Variants in JMJD1C observed in about 807,000 individuals in gnomAD.
JMJD1C encodes jumonji domain-containing protein 1C.
A neutral mutation model predicts 245.3 loss-of-function variants in JMJD1C; 31 were observed. The ratio of observed to expected loss-of-function variants is 0.13; its 90% confidence interval spans 0.09 to 0.17. The LOEUF (loss-of-function observed/expected upper bound fraction) is 0.17, where lower values mean the gene tolerates loss of function less well. JMJD1C is among the 10% of genes least tolerant of loss of function. The pLI is 1.00. For synonymous variants in JMJD1C, 1,057 were observed against 1,017.4 expected, an observed-to-expected ratio of 1.04 and a Z score of -0.74; for missense variants, 2,691 against 3,000.2, an observed-to-expected ratio of 0.90 and a Z score of 2.41.
intron 1 of JMJD1C, among the ~76,000 whole-genome samples, chr10:63,413,565 GGAAA>G (rs1238676439): frequency 1.3e-5 from 2 of 152,132 alleles, no homozygotes; most frequent in East Asian, 3.8e-4. Flanking sequence ...TTCTGGTGGG[GGAAA>G]GATTCTTCAT....
chr10:63,402,144 A>G (rs10761754), intron 1 of JMJD1C, among the ~76,000 whole-genome samples: 1 of 146,316 alleles, frequency 6.8e-6, no homozygotes. Flanking sequence ...AAAAAAAAAG[A>G]AAAAAAAACA....
At chr10:63,255,881 A>C (rs958989191) in intron 3 of JMJD1C, among the ~76,000 whole-genome samples, 1 of 152,196 alleles carries the variant, frequency 6.6e-6, no homozygotes, top group Non-Finnish European at 1.5e-5. Flanking sequence ...ATAAAACTCT[A>C]ATTCTGAGAT....
rs557355496 is a variant in JMJD1C, at chr10:63,347,595, A to G, written c.333+32723T>C. 4.6e-3 allele frequency among the ~76,000 whole-genome samples: 690 copies of G among 150,286 alleles called. 3 individuals are homozygous for G. The highest frequency in any genetic ancestry group is 6.4e-3 in the Non-Finnish European group (431 of 67,630). On this transcript the variant is annotated intron_variant, in intron 2 of 25. Coordinates refer to ENST00000399262, the MANE Select transcript of JMJD1C (RefSeq NM_032776.3). Reference sequence around the variant, plus strand: ...CGAGAGTCCATCTCAAAAAAAAAAAAAAAGAAAGAAAAGAAAAAGAAAAAA... The same window carrying G: ...CGAGAGTCCATCTCAAAAAAAAAAAGAAAGAAAGAAAAGAAAAAGAAAAAA...
At chr10:63,453,678 T>G (rs1015537936) in intron 1 of JMJD1C, among the ~76,000 whole-genome samples, 2 of 152,176 alleles carry the variant, frequency 1.3e-5, no homozygotes, top group African/African-American at 4.8e-5. Context: ...GTACTATAAG[T>G]AGTTAAAAAC....
chr10:63,369,036 T>C (rs1029269110), intron 2 of JMJD1C, among the ~76,000 whole-genome samples: 4 of 152,230 alleles, frequency 2.6e-5, no homozygotes, highest in African/African-American at 9.6e-5. Context: ...GTAATAATGA[T>C]GGAAAATGAA....
intron 1 of JMJD1C, among the ~76,000 whole-genome samples, chr10:63,482,807 C>T (rs542934712): frequency 3.5e-4 from 53 of 152,172 alleles, no homozygotes; most frequent in African/African-American, 1.2e-3. Context: ...AGCTGCTGTG[C>T]GTGGGGATCA....
chr10:63,428,345 ATT>A (rs1950560189), intron 1 of JMJD1C, among the ~76,000 whole-genome samples: 1 of 152,244 alleles, frequency 6.6e-6, no homozygotes, highest in Non-Finnish European at 1.5e-5. Context: ...TTGCATTAAT[ATT>A]GACAAAAGAT....
chr10:63,508,660 G>C (rs1954791035), intron 1 of JMJD1C, among the ~76,000 whole-genome samples: 1 of 152,086 alleles, frequency 6.6e-6, no homozygotes, highest in African/African-American at 2.4e-5. Flanking sequence ...TCTTTCATCA[G>C]TTTTGTAGGT....
intron 3 of JMJD1C, among the ~76,000 whole-genome samples, chr10:63,243,992 C>A (rs1851844738): frequency 1.3e-5 from 2 of 152,176 alleles, no homozygotes; most frequent in Admixed American, 1.3e-4. Context: ...GGACAACCAG[C>A]TTCCCTACCA....
At chr10:63,373,572 AAAC>A (rs1946482729) in intron 2 of JMJD1C, among the ~76,000 whole-genome samples, 1 of 152,208 alleles carries the variant, frequency 6.6e-6, no homozygotes, top group East Asian at 1.9e-4. Flanking sequence ...ACGAGGAGTG[AAAC>A]AACTAGAAAG....
chr10:63,410,014 A>G (rs1949391991), intron 1 of JMJD1C, among the ~76,000 whole-genome samples: 1 of 152,170 alleles, frequency 6.6e-6, no homozygotes, highest in African/African-American at 2.4e-5. Flanking sequence ...TAATAAATAT[A>G]TATTTGAATA....
chr10:63,226,083 A>C (rs1849242683), intron 3 of JMJD1C, among the ~76,000 whole-genome samples: 1 of 145,282 alleles, frequency 6.9e-6, no homozygotes, highest in Non-Finnish European at 1.5e-5. Context: ...ACATTTCTTT[A>C]TATGTAAGGG....
intron 2 of JMJD1C, among the ~76,000 whole-genome samples, chr10:63,291,310 G>GAAAAAA (rs59082600): frequency 2.9e-5 from 2 of 69,132 alleles, no homozygotes; most frequent in African/African-American, 1.3e-4. Context: ...GTCTGTCTCA[G>GAAAAAA]AAAAAAAAAA....
At chr10:63,282,721 G>T (rs529967942) in intron 2 of JMJD1C, among the ~76,000 whole-genome samples, 1 of 152,086 alleles carries the variant, frequency 6.6e-6, no homozygotes, top group Non-Finnish European at 1.5e-5. Context: ...TAAAACTCTA[G>T]GTTTTCTTTT....
At chr10:63,212,213 G>C (rs1847446535) in intron 8 of JMJD1C, among the ~76,000 whole-genome samples, 1 of 152,124 alleles carries the variant, frequency 6.6e-6, no homozygotes, top group Admixed American at 6.5e-5. Flanking sequence ...AGTTTTACAA[G>C]ATGAAAAAGT....
Position 63,385,246 on chromosome 10 carries a change from A to AGTC in JMJD1C, c.169-4765_169-4764insGAC, listed in dbSNP as rs1947496117. ...GCTAACATCAAAGATCACTGATGAC[A>AGTC]CATCACCATAAGAGATGTAATAGTA... is the stretch of plus-strand genomic sequence containing the variant. On this transcript the variant is annotated intron_variant, in intron 1 of 25. Transcript: ENST00000399262. 3.3e-5 allele frequency among the ~76,000 whole-genome samples: 5 copies of AGTC among 152,086 alleles called. No homozygotes were observed. The South Asian group carries it at 1.0e-3, about 32-fold the overall frequency.
At chr10:63,419,461 A>G (rs1048757589) in intron 1 of JMJD1C, among the ~76,000 whole-genome samples, 2 of 152,178 alleles carry the variant, frequency 1.3e-5, no homozygotes, top group Admixed American at 1.3e-4. Flanking sequence ...AAAACAGACA[A>G]GAACTACTGA....
chr10:63,502,936 A>G (rs1954606227), intron 1 of JMJD1C, among the ~76,000 whole-genome samples: 1 of 152,236 alleles, frequency 6.6e-6, no homozygotes, highest in African/African-American at 2.4e-5. Context: ...ACAATTACTG[A>G]GCACATACTA....
At chr10:63,424,957 T>C (rs10761762) in intron 1 of JMJD1C, among the ~76,000 whole-genome samples, 63,921 of 151,914 alleles carry the variant, frequency 0.42, 14,183 homozygotes, top group South Asian at 0.53. Flanking sequence ...TGCTGAAACA[T>C]TCAACCCTTC....
Sources: allele counts gnomAD v4.1 joint callset (sites outside exome capture counted in the v4.1 genomes callset), GRCh38; gene constraint gnomAD v4.1.1; transcripts MANE v1.5; gene names NCBI Gene and HGNC (gene_info 2026-07-23, HGNC 2026-07-21).